Variants in SNAPC4 observed in about 807,000 individuals in gnomAD.
SNAPC4 encodes the protein snRNA-activating protein complex subunit 4.
Under a neutral mutation model 151.3 loss-of-function variants are expected in SNAPC4, and 127 were observed. The ratio of observed to expected loss-of-function variants is 0.84; its 90% CI spans 0.73 to 0.97. The LOEUF (loss-of-function observed/expected upper bound fraction) is 0.97, where lower values mean the gene tolerates loss of function less well. Among genes scored for constraint, SNAPC4 ranks in the 50% least tolerant of loss-of-function variants. The pLI is 0.00. For missense variants in SNAPC4, 2,186 were observed against 1,935.0 expected (o/e 1.13, Z -2.43); for synonymous variants, 1,002 against 824.4 (o/e 1.22, Z -3.69).
At chr9:136,396,600 G>A (rs978365041) in intron 3 of SNAPC4, among the ~76,000 whole-genome samples, 6 of 152,266 alleles carry the variant, frequency 3.9e-5, no homozygotes, top group Admixed American at 1.3e-4. Context: ...ATAGCTGCTC[G>A]TGTTAACTGA....
chr9:136,378,680 G>A lies in SNAPC4; in HGVS notation c.3147C>T (p.Ser1049=), dbSNP rs1833566012. 6.7e-7 allele frequency: 1 copy of A among 1,500,082 alleles called. No individual in the cohort carries two copies. The highest frequency in any genetic ancestry group is 8.9e-7 in the Non-Finnish European group (1 of 1,124,908). 92.9% of individuals were successfully genotyped at this position (1,500,082 alleles called of 1,614,324 possible). Residue 1049 remains serine (S), a synonymous_variant, in exon 22 of 24, where the codon AGC becomes AGT. Coordinates refer to ENST00000684778, the MANE Select transcript of SNAPC4 (RefSeq NM_003086.4). ...GGGGCTGGACGGGCAGTGGGGTGGG[G>A]CTGGGGGCTGCGGGGAGAAAGGGTG... ...EAPPFLPAAP[S]PTPLPVQPLS... is the part of the protein sequence containing the mutation.
In SNAPC4 at chr9:136,388,017, C is replaced by T. The variant is rs545513851; in HGVS notation, c.1124-169G>A. Among the ~76,000 whole-genome samples, 6 of 152,210 alleles carry T rather than the reference C, an allele frequency of 3.9e-5. No individual in the cohort carries two copies. The East Asian group carries it at 1.2e-3, about 29-fold the overall frequency. The stretch of plus-strand genomic sequence containing the variant: ...TGCAGTGGCATCATGCCTGTCATCC[C>T]AGCACTTTGGGAGGCAGAGGCTGGC... On this transcript the variant is annotated intron_variant, in intron 11 of 23. Transcript: ENST00000684778.
At chr9:136,397,273 A>G (rs1324086784) in intron 2 of SNAPC4, among the ~76,000 whole-genome samples, 1 of 152,144 alleles carries the variant, frequency 6.6e-6, no homozygotes, top group African/African-American at 2.4e-5. Context: ...AAAGCTACAC[A>G]GGGTTCACTG....
chr9:136,383,323 T>C lies in SNAPC4; in HGVS notation c.1846A>G (p.Thr616Ala). Reference sequence around the variant, plus strand: ...TCCTCTCCAGGAGCCGCGGCTGTGGTGGAAGCTTCCTTGCTGCCGCCCTGG... The same window carrying C: ...TCCTCTCCAGGAGCCGCGGCTGTGGCGGAAGCTTCCTTGCTGCCGCCCTGG... ...ASQGGSKEASTTAAAPGEETS... is the reference protein window; with the variant it reads ...ASQGGSKEASATAAAPGEETS... The change falls in exon 16 of 24, where the codon ACC becomes GCC. Residue 616 changes from threonine to alanine, a missense_variant. Physicochemically the swap from Thr to Ala is moderately conservative, Grantham distance 58. Transcript: ENST00000684778. This position sits in a 1 kb window ranked among gnomAD's most constrained non-coding sequence, Gnocchi z 4.2. 1.2e-6 allele frequency: 2 copies of C among 1,611,590 alleles called. No homozygotes were observed. Among genetic ancestry groups the C allele is most frequent in the Non-Finnish European group, 1.7e-6 (2 of 1,179,446 alleles).
intron 13 of SNAPC4, among the ~76,000 whole-genome samples, chr9:136,385,824 G>A (rs1189959070): frequency 6.6e-6 from 1 of 152,044 alleles, no homozygotes; most frequent in African/African-American, 2.4e-5. Context: ...AAAGTGCTAG[G>A]ATTACAGGCG....
chr9:136,376,693 C>T (rs759263871), intron 22 of SNAPC4, among the ~76,000 whole-genome samples: 11 of 152,190 alleles, frequency 7.2e-5, no homozygotes, highest in Non-Finnish European at 1.5e-4. Flanking sequence ...CCAAGCCATC[C>T]CTCTGGTGGG....
chr9:136,391,035 T>C (rs1022610779), intron 10 of SNAPC4, among the ~76,000 whole-genome samples: 2 of 152,122 alleles, frequency 1.3e-5, no homozygotes, highest in African/African-American at 4.8e-5. Context: ...GGTTTCTCCA[T>C]GTTGGCCAGG....
intron 6 of SNAPC4, 93 bp from the exon 7 acceptor site, chr9:136,394,423 G>A (rs374905838): frequency 2.5e-4 from 291 of 1,183,632 alleles, no homozygotes; most frequent in South Asian, 6.6e-4. Flanking sequence ...GGCAGTGGTG[G>A]GGGGCCCCAC....
intron 10 of SNAPC4, among the ~76,000 whole-genome samples, chr9:136,390,328 G>T (rs550159074): frequency 6.6e-6 from 1 of 152,100 alleles, no homozygotes; most frequent in Non-Finnish European, 1.5e-5. Flanking sequence ...GGCTGAGGCC[G>T]GCAGATCACA....
rs193234196 is a variant in SNAPC4 at position 136,387,246 on chromosome 9, C to G, written c.1325+239G>C. Among the ~76,000 whole-genome samples, 149 of 152,322 alleles carry G rather than the reference C, an allele frequency of 9.8e-4. 3 individuals are homozygous for G. The highest frequency in any genetic ancestry group is 9.5e-3 in the Admixed American group (146 of 15,308). ...GGAGCTGTCTCAAGTGGAGCCCATGCGTTGCTCCGGCAGACAGCAATACAG... is the reference window on the plus strand; with the variant it reads ...GGAGCTGTCTCAAGTGGAGCCCATGGGTTGCTCCGGCAGACAGCAATACAG... On this transcript the variant is annotated intron_variant, in intron 13 of 23. Coordinates refer to ENST00000684778, the MANE Select transcript of SNAPC4 (RefSeq NM_003086.4).
chr9:136,387,780 C>T lies in SNAPC4; in HGVS notation c.1192G>A (p.Gly398Ser), dbSNP rs1833939380. The change falls in exon 12 of 24, where the codon GGT becomes AGT. Residue 398 changes from glycine to serine, a missense_variant. Gly to Ser is a moderately conservative substitution (Grantham distance 56). Transcript: ENST00000684778. Reference protein sequence around the residue: ...IYRWTKSLDPGLKKGYWAPEE... With the variant: ...IYRWTKSLDPSLKKGYWAPEE... ...GGGGCCCAGTAACCCTTCTTCAGAC[C>T]AGGATCCAAGCTCTTGGTCCATCGG... The T allele has an allele frequency of 3.1e-6, 5 of 1,612,912 alleles. No homozygotes were observed. The highest frequency in any genetic ancestry group is 4.2e-6 in the Non-Finnish European group (5 of 1,179,112).
chr9:136,383,048 C>T lies in SNAPC4; in HGVS notation c.1983+138G>A. 1 of 1,363,036 alleles carries T rather than the reference C, an allele frequency of 7.3e-7. No homozygotes were observed. The highest frequency in any genetic ancestry group is 9.6e-7 in the Non-Finnish European group (1 of 1,039,792). The allele number at this position is 1,363,036 out of a possible 1,614,324, so 84.4% of individuals were successfully genotyped here. ...ACAGTCCCCCCGACGCACAGCTGTCCAGAGCTCAGCCAGAAGTAGCACGTT... is the reference window on the plus strand; with the variant it reads ...ACAGTCCCCCCGACGCACAGCTGTCTAGAGCTCAGCCAGAAGTAGCACGTT... On this transcript the variant is annotated intron_variant, in intron 16 of 23. Coordinates refer to ENST00000684778, the MANE Select transcript of SNAPC4 (RefSeq NM_003086.4). This position sits in a 1 kb window ranked among gnomAD's most constrained non-coding sequence, Gnocchi z 4.2.
At chr9:136,398,552 T>G in intron 1 of SNAPC4, 115 bp from the exon 2 acceptor site, 1 of 1,198,382 alleles carries the variant, frequency 8.3e-7, no homozygotes, top group Non-Finnish European at 1.2e-6. Context: ...CAGTGGGCAC[T>G]GGGCTCCCCA....
At position 136,379,216 on chromosome 9, in the gene SNAPC4, C is replaced by T. The variant is rs201158274; in HGVS notation, c.2611G>A (p.Val871Met). The T allele has an allele frequency of 1.2e-6, 2 of 1,611,728 alleles. No individual in the cohort carries two copies. Among genetic ancestry groups the T allele is most frequent in the South Asian group, 2.2e-5 (2 of 90,782 alleles). The change falls in exon 22 of 24, where the codon GTG becomes ATG. Residue 871 changes from valine to methionine, a missense_variant. Coordinates refer to ENST00000684778, the MANE Select transcript of SNAPC4 (RefSeq NM_003086.4). ...GACGCCTGGGGTAGGGTGCGCTCCA[C>T]CCGGCTGGACGCCAGTCTTCGGCTC... ...KGSRRLASSR[V>M]ERTLPQASLL...
intron 10 of SNAPC4, among the ~76,000 whole-genome samples, chr9:136,390,578 A>G (rs1159125807): frequency 7.2e-6 from 1 of 139,496 alleles, no homozygotes; most frequent in African/African-American, 2.6e-5. Context: ...AAAAAAAAAA[A>G]GGAAAGAAAA....
Position 136,378,055 on chromosome 9 carries a change from G to A in SNAPC4, c.3772C>T (p.Pro1258Ser), listed in dbSNP as rs11550985. Residue 1258 changes from proline (P) to serine (S), a missense_variant, in exon 22 of 24, where the codon CCC (proline) becomes TCC (serine). Coordinates refer to ENST00000684778, the MANE Select transcript of SNAPC4 (RefSeq NM_003086.4). ...EKGALDLEKP[P>S]LPQPGPEKGA... ...TTCTCAGGCCCAGGCTGGGGTAGGG[G>A]CGGCTTCTCCAGGTCCAGGGCCCCC... 5 of 1,577,664 alleles carry A rather than the reference G, an allele frequency of 3.2e-6. No homozygotes were observed. Among genetic ancestry groups the A allele is most frequent in the South Asian group, 1.1e-5 (1 of 87,714 alleles).
intron 10 of SNAPC4, among the ~76,000 whole-genome samples, chr9:136,389,207 A>G (rs1833989113): frequency 6.6e-6 from 1 of 152,142 alleles, no homozygotes; most frequent in African/African-American, 2.4e-5. Context: ...TCATCTTCTC[A>G]AGGGGTTTTC....
rs751402782 is a variant in SNAPC4, at chr9:136,377,561, T to G, written c.4266A>C (p.Thr1422=). Residue 1422 remains threonine, a synonymous_variant, in exon 22 of 24, where the codon ACA becomes ACC. Coordinates refer to ENST00000684778, the MANE Select transcript of SNAPC4 (RefSeq NM_003086.4). Reference sequence around the variant, plus strand: ...ACCCTACCTGAATGGGGCATGTGGCTGTCGTGCAGCCCGGCTGCCCGTCCC... The same window carrying G: ...ACCCTACCTGAATGGGGCATGTGGCGGTCGTGCAGCCCGGCTGCCCGTCCC... The part of the protein sequence containing the change: ...ADRDGQPGCT[T]ATCPIQGAPD... 4.6e-6 allele frequency: 7 copies of G among 1,517,566 alleles called. No homozygotes were observed. In the South Asian group the frequency reaches 7.8e-5, roughly 17 times the overall value. 94.0% of individuals were successfully genotyped at this position (1,517,566 alleles called of 1,614,324 possible). A position where few individuals can be genotyped will look rare whatever the true frequency, so the allele number is the denominator to read the frequency against.
chr9:136,381,724 G>A lies in SNAPC4; in HGVS notation c.2317+100C>T. ...CCCACCCCAAAAAGACTCCCCTGCT[G>A]AGGCCACTTCCCCAAGTAGCCACCG... On this transcript the variant is annotated intron_variant, in intron 18 of 23. Transcript: ENST00000684778. The A allele has an allele frequency of 4.1e-6, 6 of 1,454,312 alleles. No homozygotes were observed. The South Asian group carries it at 6.5e-5, about 16-fold the overall frequency. 90.1% of individuals were successfully genotyped at this position (1,454,312 alleles called of 1,614,324 possible).
Sources: allele counts gnomAD v4.1 joint callset (sites outside exome capture counted in the v4.1 genomes callset), GRCh38; gene constraint gnomAD v4.1.1; non-coding constraint Gnocchi (gnomAD v3.1); transcripts MANE v1.5; gene names NCBI Gene and HGNC (gene_info 2026-07-23, HGNC 2026-07-21).